The following MTHFS variants were observed in gnomAD, a reference collection of about 807,000 sequenced individuals.
MTHFS encodes the protein 5-formyltetrahydrofolate cyclo-ligase.
A neutral mutation model predicts 12.7 loss-of-function variants in MTHFS; 7 were observed. The observed-to-expected ratio is 0.55, with a 90% CI of 0.31 to 1.03. The LOEUF is 1.03. Among genes scored for constraint, MTHFS ranks in the 50% least tolerant of loss-of-function variants. MTHFS has a pLI of 0.05. For synonymous variants in MTHFS, 100 were observed against 97.1 expected, an observed-to-expected ratio of 1.03 and a Z score of -0.18; for missense variants, 252 against 258.1, an observed-to-expected ratio of 0.98 and a Z score of 0.16.
intron 2 of MTHFS, among the ~76,000 whole-genome samples, chr15:79,869,793 T>C (rs1180731729): frequency 6.6e-6 from 1 of 152,038 alleles, no homozygotes; most frequent in African/African-American, 2.4e-5. Flanking sequence ...GGCAAAGGAA[T>C]AACAGGATAG....
intron 2 of MTHFS, among the ~76,000 whole-genome samples, chr15:79,883,047 T>G (rs1029741927): frequency 7.9e-5 from 12 of 152,088 alleles, no homozygotes; most frequent in African/African-American, 2.9e-4. Context: ...CTACAAAAAA[T>G]TTAAAAATTA....
chr15:79,897,056 C>T (rs79182819), upstream of MTHFS: 200,546 of 1,428,626 alleles, frequency 0.14, 14,888 homozygotes, highest in Middle Eastern at 0.17. Flanking sequence ...GTCTCCGCCC[C>T]TGGCCGCTCC....
Position 79,889,147 on chromosome 15 carries a change from AG to A in MTHFS, c.324del (p.Trp109GlyfsTer49), listed in dbSNP as rs1200764941. ...PEEISLLPKTSWNIPQPGEGD... is the reference protein window; with the variant it reads ...PEEISLLPKTXWNIPQPGEGD... ...CCCTCACCAGGCTGAGGGATATTCCAGGATGTTTTGGGAAGTAAAGAAATTT... is the reference window on the plus strand; with the variant it reads ...CCCTCACCAGGCTGAGGGATATTCCAGATGTTTTGGGAAGTAAAGAAATTT... On this transcript the variant is annotated frameshift_variant, in exon 2 of 3. Transcript: ENST00000258874. LOFTEE classifies it high-confidence loss of function. The A allele has an allele frequency of 6.2e-7, 1 of 1,614,198 alleles. No homozygotes were observed. The highest frequency in any genetic ancestry group is 8.5e-7 in the Non-Finnish European group (1 of 1,180,020).
chr15:79,895,490 C>G (rs2141383238), intron 1 of MTHFS, among the ~76,000 whole-genome samples: 1 of 152,332 alleles, frequency 6.6e-6, no homozygotes, highest in East Asian at 1.9e-4. Context: ...TTTTTCATCT[C>G]CACAACCCAG....
chr15:79,860,886 G>A (rs2033900374), intron 2 of MTHFS, among the ~76,000 whole-genome samples: 1 of 152,226 alleles, frequency 6.6e-6, no homozygotes, highest in East Asian at 1.9e-4. Context: ...ACAACCTCAT[G>A]GCAAACCACT....
At chr15:79,886,923 C>G (rs908157382) in intron 2 of MTHFS, among the ~76,000 whole-genome samples, 2 of 152,138 alleles carry the variant, frequency 1.3e-5, no homozygotes, top group African/African-American at 4.8e-5. Flanking sequence ...TTCGATAGCT[C>G]CTATGTGACA....
At chr15:79,886,938 ACATGCTAAAAAC>A (rs1449579234) in intron 2 of MTHFS, among the ~76,000 whole-genome samples, 35 of 152,360 alleles carry the variant, frequency 2.3e-4, no homozygotes, top group African/African-American at 7.5e-4. Flanking sequence ...GTGACAAATG[ACATGCTAAAAAC>A]CATACATAGG....
chr15:79,881,939 G>C (rs1205195942), intron 2 of MTHFS, among the ~76,000 whole-genome samples: 1 of 152,142 alleles, frequency 6.6e-6, no homozygotes, highest in East Asian at 1.9e-4. Context: ...GGACAGTAAG[G>C]GTTCACTCTC....
intron 2 of MTHFS, chr15:79,875,970 C>G (rs1055946206): frequency 3.3e-5 from 5 of 149,612 alleles, no homozygotes; most frequent in Non-Finnish European, 7.5e-5. Flanking sequence ...ACCTAGGAAG[C>G]CAGGCCAAAA....
At chr15:79,865,277 T>G (rs1343675588) in intron 2 of MTHFS, among the ~76,000 whole-genome samples, 1 of 152,230 alleles carries the variant, frequency 6.6e-6, no homozygotes, top group African/African-American at 2.4e-5. Context: ...GCACAAATAT[T>G]TGACTTTCTA....
chr15:79,849,676 T>C (rs2033678016), intron 2 of MTHFS, among the ~76,000 whole-genome samples: 1 of 152,272 alleles, frequency 6.6e-6, no homozygotes, highest in Non-Finnish European at 1.5e-5. Flanking sequence ...ATTAATAGCG[T>C]CCACTGACAG....
intron 2 of MTHFS, among the ~76,000 whole-genome samples, chr15:79,857,561 C>T (rs886926835): frequency 2.6e-5 from 4 of 152,186 alleles, no homozygotes; most frequent in African/African-American, 4.8e-5. Flanking sequence ...AGAACAAATT[C>T]TATTACAGCA....
chr15:79,865,078 C>G (rs1234184406), intron 2 of MTHFS, among the ~76,000 whole-genome samples: 4 of 152,246 alleles, frequency 2.6e-5, no homozygotes, highest in African/African-American at 9.6e-5. Context: ...TTACAGCAAC[C>G]TTTTGCAGAT....
chr15:79,869,356 T>C (rs1469037137), intron 2 of MTHFS, among the ~76,000 whole-genome samples: 4 of 152,160 alleles, frequency 2.6e-5, no homozygotes, highest in Non-Finnish European at 4.4e-5. Flanking sequence ...ACAATGATAT[T>C]TGAGAATATG....
At chr15:79,873,117 T>TGG (rs2034134866) in intron 2 of MTHFS, among the ~76,000 whole-genome samples, 1 of 152,164 alleles carries the variant, frequency 6.6e-6, no homozygotes, top group Non-Finnish European at 1.5e-5. Flanking sequence ...TCAGTCCCCA[T>TGG]CCTTCTTTCT....
intron 2 of MTHFS, among the ~76,000 whole-genome samples, chr15:79,855,922 G>A (rs2141345901): frequency 6.6e-6 from 1 of 152,224 alleles, no homozygotes; most frequent in Admixed American, 6.5e-5. Context: ...CACTATTGAT[G>A]GGCATTTAGG....
At chr15:79,884,928 A>G (rs1378030672) in intron 2 of MTHFS, among the ~76,000 whole-genome samples, 1 of 151,958 alleles carries the variant, frequency 6.6e-6, no homozygotes, top group Non-Finnish European at 1.5e-5. Context: ...GTTCCCTGCT[A>G]TACTCCCATC....
At chr15:79,850,393 C>T (rs1185155957) in intron 2 of MTHFS, among the ~76,000 whole-genome samples, 1 of 152,134 alleles carries the variant, frequency 6.6e-6, no homozygotes, top group African/African-American at 2.4e-5. Context: ...GCACATTTTT[C>T]CTACAAAAGA....
At position 79,860,388 on chromosome 15, in the gene MTHFS, C is replaced by CA. The variant is rs939627034; in HGVS notation, c.380-14947dup. On this transcript the variant is annotated intron_variant, in intron 2 of 2. Transcript: ENST00000258874. ...TGGGCAACAGAGCGAGACTCCATCT[C>CA]AAAAAAAAAAAAATGGATACAAATT... is the stretch of plus-strand genomic sequence containing the variant. Among the ~76,000 whole-genome samples the CA allele has an allele frequency of 6.5e-3, 763 of 118,284 alleles. 3 individuals carry two copies. Among genetic ancestry groups the CA allele is most frequent in the African/African-American group, 0.014 (440 of 31,548 alleles). The allele number at this position is 118,284 out of a possible 152,430, so 77.6% of individuals were successfully genotyped here.
Sources: allele counts gnomAD v4.1 joint callset (sites outside exome capture counted in the v4.1 genomes callset), GRCh38; gene constraint gnomAD v4.1.1; transcripts MANE v1.5; gene names NCBI Gene and HGNC (gene_info 2026-07-23, HGNC 2026-07-21).